NEK1: variants seen among roughly 807,000 people sequenced by gnomAD.
NEK1 encodes serine/threonine-protein kinase Nek1.
Under a neutral mutation model 182.1 loss-of-function variants are expected in NEK1, and 137 were observed. The ratio of observed to expected loss-of-function variants is 0.75; its 90% CI spans 0.65 to 0.87. The LOEUF is 0.87. NEK1 is among the 40% of genes least tolerant of loss of function. NEK1 has a pLI of 0.00. For synonymous variants in NEK1, 513 were observed against 492.2 expected (o/e 1.04, Z -0.56); for missense variants, 1,391 against 1,494.4 (o/e 0.93, Z 1.14).
chr4:169,553,775 G>T (rs1761760034), intron 18 of NEK1, among the ~76,000 whole-genome samples: 1 of 152,190 alleles, frequency 6.6e-6, no homozygotes, highest in African/African-American at 2.4e-5. Context: ...TTAGGGAATT[G>T]TAATTAAAAT....
intron 19 of NEK1, among the ~76,000 whole-genome samples, chr4:169,522,691 T>A (rs1159767812): frequency 6.6e-6 from 1 of 152,196 alleles, no homozygotes; most frequent in Admixed American, 6.5e-5. Context: ...CTGGGAGACT[T>A]CCATGGTGGA....
chr4:169,475,631 A>ACAAGGAGAAAAGG (rs1183044318), intron 26 of NEK1, among the ~76,000 whole-genome samples: 1 of 152,208 alleles, frequency 6.6e-6, no homozygotes, highest in Non-Finnish European at 1.5e-5. Flanking sequence ...AGAAAAGGCA[A>ACAAGGAGAAAAGG]TCAATAAAAT....
intron 19 of NEK1, among the ~76,000 whole-genome samples, chr4:169,511,830 A>T (rs528711782): frequency 2.6e-5 from 4 of 152,214 alleles, no homozygotes; most frequent in East Asian, 3.9e-4. Flanking sequence ...CTTGATAATT[A>T]TGTCATAATT....
At chr4:169,508,618 C>A (rs998471302) in intron 20 of NEK1, 151 bp downstream of exon 20, 5 of 563,110 alleles carry the variant, frequency 8.9e-6, no homozygotes, top group Non-Finnish European at 1.5e-5. Flanking sequence ...AAAATTATAA[C>A]ACAGAATGTC....
At chr4:169,409,892 C>A (rs1358556748) in intron 31 of NEK1, among the ~76,000 whole-genome samples, 1 of 152,052 alleles carries the variant, frequency 6.6e-6, no homozygotes, top group Non-Finnish European at 1.5e-5. Flanking sequence ...TCATATGTTT[C>A]TTGTTTATAT....
At chr4:169,404,539 C>T (rs1468716277) in intron 32 of NEK1, among the ~76,000 whole-genome samples, 1 of 151,952 alleles carries the variant, frequency 6.6e-6, no homozygotes, top group Non-Finnish European at 1.5e-5. Context: ...CAAGTTCTTT[C>T]CAAAGGTAAA....
chr4:169,477,002 T>C (rs1747072394), intron 26 of NEK1, 122 bp downstream of exon 26: 3 of 649,456 alleles, frequency 4.6e-6, no homozygotes, highest in Non-Finnish European at 7.3e-6. Context: ...AAAAGGAAAA[T>C]ATATAGAATT....
Position 169,426,142 on chromosome 4 carries a change from T to G in NEK1, c.2974+4A>C. On this transcript the variant is annotated splice_donor_region_variant and intron_variant, in intron 30 of 35. Coordinates refer to ENST00000507142, the MANE Select transcript of NEK1 (RefSeq NM_001199397.3). Reference sequence around the variant, plus strand: ...AGTAATTAGACTAATGCAATGATGCTTACCTATATGAATGTCACTAAGTTG... The same window carrying G: ...AGTAATTAGACTAATGCAATGATGCGTACCTATATGAATGTCACTAAGTTG... 1 of 1,608,192 alleles carries G rather than the reference T, an allele frequency of 6.2e-7. No homozygotes were observed. The highest frequency in any genetic ancestry group is 8.5e-7 in the Non-Finnish European group (1 of 1,175,022).
chr4:169,463,444 T>C, intron 26 of NEK1, 49 bp from the exon 27 acceptor site: 1 of 1,408,414 alleles, frequency 7.1e-7, no homozygotes, highest in Non-Finnish European at 9.7e-7. Flanking sequence ...AGTATAATAA[T>C]ACTGCATGGT....
intron 27 of NEK1, among the ~76,000 whole-genome samples, chr4:169,461,852 T>A (rs1259727375): frequency 6.6e-6 from 1 of 152,178 alleles, no homozygotes; most frequent in Non-Finnish European, 1.5e-5. Flanking sequence ...TGATCTTTTT[T>A]TCCTTTATAG....
chr4:169,472,356 C>T lies in NEK1; in HGVS notation c.2434+4768G>A, dbSNP rs118005584. ...TCAGATAGCACCGTCCCTCACGGCACAGTCCTTCATGGCTTGCCTTGGCTA... is the reference window on the plus strand; with the variant it reads ...TCAGATAGCACCGTCCCTCACGGCATAGTCCTTCATGGCTTGCCTTGGCTA... On this transcript the variant is annotated intron_variant, in intron 26 of 35. Coordinates refer to ENST00000507142, the MANE Select transcript of NEK1 (RefSeq NM_001199397.3). Among the ~76,000 whole-genome samples the T allele has an allele frequency of 1.8e-4, 27 of 152,228 alleles. No individual in the cohort carries two copies. In the East Asian group the frequency reaches 5.2e-3, roughly 29 times the overall value.
At chr4:169,544,022 T>C (rs2149841800) in intron 18 of NEK1, among the ~76,000 whole-genome samples, 1 of 152,326 alleles carries the variant, frequency 6.6e-6, no homozygotes, top group Non-Finnish European at 1.5e-5. Flanking sequence ...AATGATATGT[T>C]GAATAGGAGT....
chr4:169,442,776 G>A lies in NEK1; in HGVS notation c.2588-4517C>T, dbSNP rs1306567026. On this transcript the variant is annotated intron_variant, in intron 27 of 35. Transcript: ENST00000507142. Reference sequence around the variant, plus strand: ...GGGCCAGATGCTATGACTCACAAATGTAATCCTAGTGTTTTAGAAAAGGAA... The same window carrying A: ...GGGCCAGATGCTATGACTCACAAATATAATCCTAGTGTTTTAGAAAAGGAA... Among the ~76,000 whole-genome samples the A allele has an allele frequency of 2.6e-5, 4 of 152,168 alleles. 1 individual carries two copies. The highest frequency in any genetic ancestry group is 5.9e-5 in the Non-Finnish European group (4 of 68,020).
At chr4:169,409,952 TG>T (rs1403443089) in intron 31 of NEK1, among the ~76,000 whole-genome samples, 1 of 152,224 alleles carries the variant, frequency 6.6e-6, no homozygotes, top group Non-Finnish European at 1.5e-5. Flanking sequence ...TTGATGGGAT[TG>T]TTTTTTTCTT....
At chr4:169,457,663 AGAAGGAAG>A (rs112292744) in intron 27 of NEK1, among the ~76,000 whole-genome samples, 50 of 128,442 alleles carry the variant, frequency 3.9e-4, no homozygotes, top group Non-Finnish European at 3.1e-4. Flanking sequence ...GCAGGGGGAG[AGAAGGAAG>A]GAAGGAAGGA....
At chr4:169,582,785 T>C (rs910629474) in intron 10 of NEK1, among the ~76,000 whole-genome samples, 1 of 152,152 alleles carries the variant, frequency 6.6e-6, no homozygotes, top group Admixed American at 6.5e-5. Context: ...AAGGTATATA[T>C]ATATGAAGCT....
chr4:169,592,710 A>C (rs1429155352), intron 5 of NEK1, among the ~76,000 whole-genome samples: 1 of 152,000 alleles, frequency 6.6e-6, no homozygotes, highest in Non-Finnish European at 1.5e-5. Context: ...AAAAAAAAAA[A>C]AACTCTCAGT....
At chr4:169,571,071 A>T (rs1201867237) in intron 12 of NEK1, among the ~76,000 whole-genome samples, 1 of 151,774 alleles carries the variant, frequency 6.6e-6, no homozygotes, top group East Asian at 1.9e-4. Flanking sequence ...TGCCTAGGAA[A>T]ACCAGAGACC....
At chr4:169,426,669 C>T (rs1394339284) in intron 29 of NEK1, among the ~76,000 whole-genome samples, 2 of 152,032 alleles carry the variant, frequency 1.3e-5, no homozygotes, top group Non-Finnish European at 2.9e-5. Flanking sequence ...TGGGAATGCC[C>T]CTTAAGAGTG....
Sources: allele counts gnomAD v4.1 joint callset (sites outside exome capture counted in the v4.1 genomes callset), GRCh38; gene constraint gnomAD v4.1.1; transcripts MANE v1.5; gene names NCBI Gene and HGNC (gene_info 2026-07-23, HGNC 2026-07-21).